FCHSD1: variants seen among roughly 807,000 people sequenced by gnomAD.
FCHSD1 encodes F-BAR and double SH3 domains protein 1.
Under a neutral mutation model 101.3 loss-of-function variants are expected in FCHSD1, and 109 were observed. That is an observed-to-expected ratio of 1.08 (90% CI 0.92 to 1.26). The LOEUF is 1.26. Ranked by LOEUF, FCHSD1 falls within the 50% of genes most tolerant of loss-of-function variation. The pLI, the probability that FCHSD1 is intolerant of heterozygous loss-of-function variation, is 0.00. For synonymous variants in FCHSD1, 291 were observed against 356.8 expected (o/e 0.82, Z 2.08); for missense variants, 820 against 895.8 (o/e 0.92, Z 1.08).
At chr5:141,647,577 T>A in intron 8 of FCHSD1, 57 bp from the exon 9 acceptor site, 4 of 1,595,386 alleles carry the variant, frequency 2.5e-6, no homozygotes, top group Non-Finnish European at 3.4e-6. Context: ...TACTGTAAAA[T>A]AGGCTCGTTC....
intron 3 of FCHSD1, 131 bp from the exon 4 acceptor site, chr5:141,650,085 A>AAGGCATT: frequency 1.0e-6 from 1 of 960,162 alleles, no homozygotes; most frequent in Non-Finnish European, 1.5e-6. Flanking sequence ...TAAATGCCTT[A>AAGGCATT]TAGTCATTAA....
intron 2 of FCHSD1, 21 bp downstream of exon 2, chr5:141,650,999 G>A (rs2099908316): frequency 1.0e-5 from 16 of 1,562,162 alleles, no homozygotes; most frequent in Non-Finnish European, 1.4e-5. Flanking sequence ...GAGTGTAAAT[G>A]AAGGGGGTTG....
In FCHSD1 at chr5:141,647,388, C is replaced by T. The variant is rs769217695; in HGVS notation, c.828+10G>A. 4 of 1,587,912 alleles carry T rather than the reference C, an allele frequency of 2.5e-6. No individual in the cohort carries two copies. Among genetic ancestry groups the T allele is most frequent in the Admixed American group, 1.8e-5 (1 of 55,470 alleles). Reference sequence around the variant, plus strand: ...TCCCCGGGGAAGCTCTTAGAGGCCACAGCCCTCACCTGGGAGGTTGTCTGC... The same window carrying T: ...TCCCCGGGGAAGCTCTTAGAGGCCATAGCCCTCACCTGGGAGGTTGTCTGC... On this transcript the variant is annotated intron_variant, in intron 9 of 19. Coordinates refer to ENST00000435817, the MANE Select transcript of FCHSD1 (RefSeq NM_033449.3).
rs2099907575 is a variant in FCHSD1, at chr5:141,645,753, G to A, written c.1311+18C>T. On this transcript the variant is annotated intron_variant, in intron 13 of 19. Coordinates refer to ENST00000435817, the MANE Select transcript of FCHSD1 (RefSeq NM_033449.3). Reference sequence around the variant, plus strand: ...TCCCTTCTAAGTAAGGATGGGTAGTGTTGGGGGAGGAGCTCACGGTTGGAG... The same window carrying A: ...TCCCTTCTAAGTAAGGATGGGTAGTATTGGGGGAGGAGCTCACGGTTGGAG... The A allele has an allele frequency of 2.5e-6, 4 of 1,606,832 alleles. No individual in the cohort carries two copies. Among genetic ancestry groups the A allele is most frequent in the South Asian group, 2.2e-5 (2 of 90,272 alleles).
At chr5:141,650,801 G>T (rs1178627097) in intron 2 of FCHSD1, among the ~76,000 whole-genome samples, 1 of 126,956 alleles carries the variant, frequency 7.9e-6, no homozygotes, top group Non-Finnish European at 1.6e-5. Context: ...TTGAGGGAGG[G>T]TTCCTGTGTG....
intron 8 of FCHSD1, 31 bp from the exon 9 acceptor site, chr5:141,647,551 C>A (rs2099907809): frequency 6.2e-7 from 1 of 1,610,348 alleles, no homozygotes; most frequent in Non-Finnish European, 8.5e-7. Context: ...CTGACACCAC[C>A]CTTCCCCCAG....
At chr5:141,646,431 G>C in intron 11 of FCHSD1, 172 bp downstream of exon 11, 1 of 1,113,638 alleles carries the variant, frequency 9.0e-7, no homozygotes, top group Non-Finnish European at 1.3e-6. Flanking sequence ...AACCTATGTC[G>C]GTCTAGCTCC....
intron 7 of FCHSD1, among the ~76,000 whole-genome samples, chr5:141,648,574 T>G (rs1444182684): frequency 6.6e-6 from 1 of 152,184 alleles, no homozygotes. Flanking sequence ...TACCCCCTTG[T>G]TATTCTTTAT....
chr5:141,643,623 G>A (rs1378232377), intron 17 of FCHSD1, among the ~76,000 whole-genome samples: 1 of 152,214 alleles, frequency 6.6e-6, no homozygotes, highest in Non-Finnish European at 1.5e-5. Flanking sequence ...GCCAAGGCAG[G>A]TGGATCACCT....
rs1326867689 is a variant in FCHSD1, at chr5:141,645,109, C to T, written c.1351G>A (p.Glu451Lys). The T allele has an allele frequency of 1.9e-6, 3 of 1,570,004 alleles. No homozygotes were observed. The highest frequency in any genetic ancestry group is 1.8e-5 in the Admixed American group (1 of 55,028). ...GGCTCCTCAAAGAGCTCTCCCGTCTCCTCACATTCCTCAAAGTCAGAAAGC... is the reference window on the plus strand; with the variant it reads ...GGCTCCTCAAAGAGCTCTCCCGTCTTCTCACATTCCTCAAAGTCAGAAAGC... ...AELSDFEECEETGELFEEPAP... is the reference protein window; with the variant it reads ...AELSDFEECEKTGELFEEPAP... The change falls in exon 14 of 20, where the codon GAG (glutamate) becomes AAG (lysine). Residue 451 changes from glutamate (E) to lysine (K), a missense_variant. Coordinates refer to ENST00000435817, the MANE Select transcript of FCHSD1 (RefSeq NM_033449.3).
intron 9 of FCHSD1, 57 bp from the exon 10 acceptor site, chr5:141,647,287 C>A: frequency 6.4e-7 from 1 of 1,566,874 alleles, no homozygotes; most frequent in Non-Finnish European, 8.7e-7. Flanking sequence ...CCAACCCTGT[C>A]CCTAGCACTT....
In FCHSD1 at chr5:141,648,811, A is replaced by G. The variant is rs934660314; in HGVS notation, c.576+146T>C. The G allele has an allele frequency of 2.5e-5, 21 of 827,856 alleles. No homozygotes were observed. In the African/African-American group the frequency reaches 3.1e-4, roughly 12 times the overall value. 51.3% of individuals were successfully genotyped at this position (827,856 alleles called of 1,614,324 possible). The stretch of plus-strand genomic sequence containing the variant: ...GAAGAAAATAAGGCTCACAGAGATC[A>G]AGTAAATTAACCAAGGTTACCCACC... On this transcript the variant is annotated intron_variant, in intron 7 of 19. Transcript: ENST00000435817.
Position 141,649,663 on chromosome 5 carries a change from C to T in FCHSD1, c.234-127G>A. On this transcript the variant is annotated intron_variant, in intron 4 of 19. Coordinates refer to ENST00000435817, the MANE Select transcript of FCHSD1 (RefSeq NM_033449.3). The surrounding 1 kb of genome is among the most constrained non-coding windows in gnomAD (Gnocchi z 4.1). The stretch of plus-strand genomic sequence containing the variant: ...TTTCCCATCCTCCCTTGTCTGGGAG[C>T]CCATCAATCGATCAGCCCATTAGCT... 9.0e-6 allele frequency: 12 copies of T among 1,337,656 alleles called. No individual in the cohort carries two copies. The highest frequency in any genetic ancestry group is 1.2e-5 in the Non-Finnish European group (12 of 998,648). The allele number at this position is 1,337,656 out of a possible 1,614,324, so 82.9% of individuals were successfully genotyped here. A position where few individuals can be genotyped will look rare whatever the true frequency, so the allele number is the denominator to read the frequency against.
Position 141,639,930 on chromosome 5 carries a change from A to C in FCHSD1, c.*1568T>G, listed in dbSNP as rs1198737641. 1.2e-6 allele frequency: 2 copies of C among 1,613,992 alleles called. No individual in the cohort carries two copies. Among genetic ancestry groups the C allele is most frequent in the Non-Finnish European group, 1.7e-6 (2 of 1,180,004 alleles). ...TCCCTCCCCTCCCAGGTTCCGGGTG[A>C]CACACATTGAGAAGCGCTATGGACT... On this transcript the variant is annotated 3_prime_UTR_variant, in exon 20 of 20. Coordinates refer to ENST00000435817, the MANE Select transcript of FCHSD1 (RefSeq NM_033449.3). This position sits in a 1 kb window ranked among gnomAD's most constrained non-coding sequence, Gnocchi z 4.4.
rs747485602 is a variant in FCHSD1, at chr5:141,644,675, C to T, written c.1540G>A (p.Gly514Ser). The change falls in exon 16 of 20, where the codon GGC becomes AGC. Residue 514 changes from glycine to serine, a missense_variant. Transcript: ENST00000435817. Reference sequence around the variant, plus strand: ...CGCTCAGGGACAAAGCCTACCTCGCCGTGCTGGTTCCGAGCCTGCTCACCC... The same window carrying T: ...CGCTCAGGGACAAAGCCTACCTCGCTGTGCTGGTTCCGAGCCTGCTCACCC... ...DEWVKARNQHGEVGFVPERYL... is the reference protein window; with the variant it reads ...DEWVKARNQHSEVGFVPERYL... The T allele has an allele frequency of 1.1e-5, 17 of 1,613,938 alleles. No homozygotes were observed. The highest frequency in any genetic ancestry group is 1.4e-5 in the Non-Finnish European group (17 of 1,179,850).
rs1335265304 is a variant in FCHSD1, at chr5:141,640,824, G to A, written c.*674C>T. The A allele has an allele frequency of 8.4e-6, 6 of 710,070 alleles. No individual in the cohort carries two copies. The highest frequency in any genetic ancestry group is 1.4e-5 in the Non-Finnish European group (6 of 437,384). The allele number at this position is 710,070 out of a possible 1,614,324, so 44.0% of individuals were successfully genotyped here. The stretch of plus-strand genomic sequence containing the variant: ...CACAGTCTCAGGCTGGGGGCCTCAG[G>A]AGAGGTCACAGCCCCTCAGTCTCTT... On this transcript the variant is annotated 3_prime_UTR_variant, in exon 20 of 20. Coordinates refer to ENST00000435817, the MANE Select transcript of FCHSD1 (RefSeq NM_033449.3).
chr5:141,643,219 T>TGGGGGG (rs10699129), intron 17 of FCHSD1, 131 bp from the exon 18 acceptor site: 84 of 565,768 alleles, frequency 1.5e-4, no homozygotes, highest in Middle Eastern at 5.1e-4. Flanking sequence ...TTGCATTCGG[T>TGGGGGG]GGGGGGGTGT....
intron 2 of FCHSD1, 96 bp from the exon 3 acceptor site, chr5:141,650,500 G>A: frequency 3.4e-6 from 5 of 1,473,106 alleles, no homozygotes; most frequent in East Asian, 2.3e-5. Flanking sequence ...AGGAGGGAGC[G>A]GTTGGGGGGA....
At chr5:141,642,736 A>G (rs965204402) in intron 18 of FCHSD1, 4 of 545,582 alleles carry the variant, frequency 7.3e-6, no homozygotes, top group African/African-American at 4.0e-5. Flanking sequence ...TTTAACTCTC[A>G]TAAGAATTCA....
Sources: allele counts gnomAD v4.1 joint callset (sites outside exome capture counted in the v4.1 genomes callset), GRCh38; gene constraint gnomAD v4.1.1; non-coding constraint Gnocchi (gnomAD v3.1); transcripts MANE v1.5; gene names NCBI Gene and HGNC (gene_info 2026-07-23, HGNC 2026-07-21).